Variants in MIPOL1 observed in about 807,000 individuals in gnomAD.
MIPOL1 encodes the protein mirror-image polydactyly 1.
Under a neutral mutation model 60.9 loss-of-function variants are expected in MIPOL1, and 57 were observed. The observed-to-expected ratio is 0.94, with a 90% CI of 0.76 to 1.17. The LOEUF is 1.17. MIPOL1 is among the 50% of genes most tolerant of loss of function. The pLI, the probability that MIPOL1 is intolerant of heterozygous loss-of-function variation, is 0.00. For missense variants in MIPOL1, 551 were observed against 511.6 expected, an observed-to-expected ratio of 1.08 and a Z score of -0.74; for synonymous variants, 179 against 168.8, an observed-to-expected ratio of 1.06 and a Z score of -0.47.
intron 3 of MIPOL1, among the ~76,000 whole-genome samples, chr14:37,251,805 T>C (rs1974154959): frequency 6.6e-6 from 1 of 151,996 alleles, no homozygotes; most frequent in African/African-American, 2.4e-5. Context: ...TTTTATAGCA[T>C]ACAACAATTC....
chr14:37,238,372 C>G (rs1971814530), intron 1 of MIPOL1, among the ~76,000 whole-genome samples: 1 of 152,094 alleles, frequency 6.6e-6, no homozygotes, highest in Non-Finnish European at 1.5e-5. Context: ...GAATCCTGCT[C>G]TTTTCCCCCC....
At chr14:37,299,241 G>C (rs1037147467) in intron 7 of MIPOL1, among the ~76,000 whole-genome samples, 1 of 144,682 alleles carries the variant, frequency 6.9e-6, no homozygotes, top group Non-Finnish European at 1.5e-5. Flanking sequence ...GGTGAGAATT[G>C]AACAATGAGA....
At chr14:37,327,899 C>A (rs944430573) in intron 9 of MIPOL1, among the ~76,000 whole-genome samples, 1 of 152,068 alleles carries the variant, frequency 6.6e-6, no homozygotes, top group African/African-American at 2.4e-5. Context: ...ATACAGTACT[C>A]GTGGACATTG....
chr14:37,341,128 C>T (rs924398372), intron 9 of MIPOL1, among the ~76,000 whole-genome samples: 1 of 152,150 alleles, frequency 6.6e-6, no homozygotes, highest in Non-Finnish European at 1.5e-5. Flanking sequence ...TTATGCATTT[C>T]TCATAATGTA....
chr14:37,512,969 A>G (rs1043823050), intron 12 of MIPOL1, among the ~76,000 whole-genome samples: 3 of 152,120 alleles, frequency 2.0e-5, no homozygotes. Context: ...TAAGTCGAAT[A>G]GTTATTTGTA....
intron 12 of MIPOL1, among the ~76,000 whole-genome samples, chr14:37,520,403 A>G (rs2095404774): frequency 6.6e-6 from 1 of 152,214 alleles, no homozygotes; most frequent in Non-Finnish European, 1.5e-5. Flanking sequence ...CTAAAGCCCT[A>G]TGAAAACAAC....
intron 10 of MIPOL1, among the ~76,000 whole-genome samples, chr14:37,395,582 G>C (rs1183748669): frequency 2.6e-5 from 4 of 152,086 alleles, no homozygotes; most frequent in Non-Finnish European, 4.4e-5. Flanking sequence ...TTATAGAAGA[G>C]CTACTGATTT....
At chr14:37,328,081 C>G (rs1156514425) in intron 9 of MIPOL1, among the ~76,000 whole-genome samples, 1 of 152,122 alleles carries the variant, frequency 6.6e-6, no homozygotes, top group African/African-American at 2.4e-5. Context: ...GATGCAATCT[C>G]TGCTCACTGC....
chr14:37,459,134 C>A (rs1262193943), intron 11 of MIPOL1, among the ~76,000 whole-genome samples: 2 of 151,776 alleles, frequency 1.3e-5, no homozygotes, highest in African/African-American at 4.8e-5. Context: ...GAAACTAAAT[C>A]CAAAGCTAGC....
chr14:37,456,482 T>C (rs2094477551), intron 11 of MIPOL1, among the ~76,000 whole-genome samples: 1 of 152,122 alleles, frequency 6.6e-6, no homozygotes. Context: ...AAATACAATT[T>C]TTATTAGTGA....
chr14:37,235,990 G>A (rs1170953414), intron 1 of MIPOL1, among the ~76,000 whole-genome samples: 6 of 151,024 alleles, frequency 4.0e-5, no homozygotes, highest in East Asian at 3.9e-4. Context: ...GCAGTGGCAC[G>A]ATCTCGGCTC....
intron 12 of MIPOL1, among the ~76,000 whole-genome samples, chr14:37,500,483 T>G (rs2095200097): frequency 6.6e-6 from 1 of 152,100 alleles, no homozygotes; most frequent in Admixed American, 6.6e-5. Flanking sequence ...CTGAACTAAT[T>G]TAGCTTTACA....
chr14:37,455,770 C>A (rs2094470126), intron 11 of MIPOL1, among the ~76,000 whole-genome samples: 1 of 152,064 alleles, frequency 6.6e-6, no homozygotes, highest in African/African-American at 2.4e-5. Flanking sequence ...AACTCTAGGG[C>A]AACTAATGTG....
At chr14:37,540,832 G>T (rs2095526783) in intron 12 of MIPOL1, among the ~76,000 whole-genome samples, 1 of 152,276 alleles carries the variant, frequency 6.6e-6, no homozygotes, top group Non-Finnish European at 1.5e-5. Flanking sequence ...AGGAAGGAAA[G>T]CTCTGGTTCC....
intron 6 of MIPOL1, among the ~76,000 whole-genome samples, chr14:37,283,232 A>AT (rs1333188589): frequency 6.6e-6 from 1 of 151,828 alleles, no homozygotes; most frequent in East Asian, 1.9e-4. Context: ...CATCCAGCTA[A>AT]TTTTTTGTAT....
chr14:37,347,598 A>G (rs990867525), intron 9 of MIPOL1, among the ~76,000 whole-genome samples: 1 of 152,228 alleles, frequency 6.6e-6, no homozygotes, highest in African/African-American at 2.4e-5. Context: ...AAGAGTATGA[A>G]GAAGTTAAAA....
rs1055580725 is a variant in MIPOL1 at position 37,363,769 on chromosome 14, C to T, written c.829-5748C>T. Among the ~76,000 whole-genome samples, 114 of 152,284 alleles carry T rather than the reference C, an allele frequency of 7.5e-4. 1 individual carries two copies. Among genetic ancestry groups the T allele is most frequent in the Middle Eastern group, 3.4e-3 (1 of 294 alleles). On this transcript the variant is annotated intron_variant, in intron 9 of 12. Transcript: ENST00000684589. ...AGTGTATAGATGCAGTAGGCCTTCC[C>T]GAGCTGTGGTGGGCGCTGCCCAGTT...
At position 37,519,616 on chromosome 14, in the gene MIPOL1, C is replaced by T. The variant is rs74625750; in HGVS notation, c.1262+19478C>T. Among the ~76,000 whole-genome samples the T allele has an allele frequency of 3.0e-3, 454 of 152,098 alleles. 1 individual carries two copies. The highest frequency in any genetic ancestry group is 0.01 in the African/African-American group (424 of 41,512). On this transcript the variant is annotated intron_variant, in intron 12 of 12. Coordinates refer to ENST00000684589, the MANE Select transcript of MIPOL1 (RefSeq NM_001388067.1). ...AGATGAGTGCCTCATTCACCTCACT[C>T]TAGTTCTAGCCTTGAATACCCTATA...
intron 12 of MIPOL1, among the ~76,000 whole-genome samples, chr14:37,528,213 A>G (rs1482806670): frequency 6.6e-6 from 1 of 152,050 alleles, no homozygotes; most frequent in African/African-American, 2.4e-5. Flanking sequence ...CATACAATAC[A>G]TATAATATTA....
Sources: allele counts gnomAD v4.1 joint callset (sites outside exome capture counted in the v4.1 genomes callset), GRCh38; gene constraint gnomAD v4.1.1; transcripts MANE v1.5; gene names NCBI Gene and HGNC (gene_info 2026-07-23, HGNC 2026-07-21).